LRMDA: variants seen among roughly 807,000 people sequenced by gnomAD.
LRMDA encodes leucine rich melanocyte differentiation associated.
A neutral mutation model predicts 29.8 loss-of-function variants in LRMDA; 18 were observed. That is an observed-to-expected ratio of 0.60 (90% CI 0.42 to 0.90). The LOEUF is 0.90. Ranked by LOEUF, LRMDA falls within the 40% of genes least tolerant of loss-of-function variation. The probability of loss-of-function intolerance (pLI) is 0.00; values close to 1 mark genes in which losing one functional copy is unlikely to be tolerated. For synonymous variants in LRMDA, 125 were observed against 109.4 expected (o/e 1.14, Z -0.89); for missense variants, 273 against 273.9 (o/e 1.00, Z 0.02).
chr10:75,924,697 A>C (rs1846088650), intron 2 of LRMDA, among the ~76,000 whole-genome samples: 1 of 152,112 alleles, frequency 6.6e-6, no homozygotes, highest in Admixed American at 6.5e-5. Flanking sequence ...AGCCGTGCTG[A>C]AAGAGGAAGA....
intron 2 of LRMDA, among the ~76,000 whole-genome samples, chr10:75,792,172 T>C (rs1346945656): frequency 1.3e-5 from 2 of 151,894 alleles, no homozygotes; most frequent in Non-Finnish European, 2.9e-5. Context: ...ACTTATTTTA[T>C]CTGAACTAAC....
Position 75,564,390 on chromosome 10 carries a change from C to T in LRMDA, c.131+125896C>T, listed in dbSNP as rs552165412. On this transcript the variant is annotated intron_variant, in intron 2 of 6. Transcript: ENST00000611255. ...CCGTTTTTTAAGCCCTTTGGAAAAG[C>T]GCAGTATTAGGGTGGGAGTGACCCA... 2.4e-4 allele frequency among the ~76,000 whole-genome samples: 36 copies of T among 152,296 alleles called. No individual in the cohort carries two copies. The South Asian group carries it at 3.1e-3, about 13-fold the overall frequency.
chr10:76,475,489 A>G (rs1842659181), intron 6 of LRMDA, among the ~76,000 whole-genome samples: 2 of 152,078 alleles, frequency 1.3e-5, no homozygotes, highest in East Asian at 1.9e-4. Context: ...GGACAGATCA[A>G]TGAGACAGAA....
chr10:76,363,161 G>GAAAA (rs1554815849), intron 6 of LRMDA, among the ~76,000 whole-genome samples: 3 of 39,460 alleles, frequency 7.6e-5, no homozygotes, highest in African/African-American at 3.3e-4. Flanking sequence ...AAGAAAGAAA[G>GAAAA]AAAGAAAGAA....
At chr10:75,482,038 T>A (rs76521792) in intron 2 of LRMDA, among the ~76,000 whole-genome samples, 1 of 152,328 alleles carries the variant, frequency 6.6e-6, no homozygotes, top group Non-Finnish European at 1.5e-5. Flanking sequence ...TTTATGGCTG[T>A]GGCAGATTCT....
At chr10:75,800,040 G>T (rs921245731) in intron 2 of LRMDA, among the ~76,000 whole-genome samples, 1 of 151,780 alleles carries the variant, frequency 6.6e-6, no homozygotes, top group Non-Finnish European at 1.5e-5. Context: ...AAGTATTATT[G>T]ATCTTTCTTC....
At chr10:76,078,920 ACCCATTAAC>A (rs1402926143) in intron 5 of LRMDA, among the ~76,000 whole-genome samples, 1 of 152,160 alleles carries the variant, frequency 6.6e-6, no homozygotes, top group Non-Finnish European at 1.5e-5. Flanking sequence ...GCTAGTTTCT[ACCCATTAAC>A]ACCAAGCCTC....
At chr10:76,023,377 C>T (rs941207323) in intron 2 of LRMDA, among the ~76,000 whole-genome samples, 13 of 152,164 alleles carry the variant, frequency 8.5e-5, no homozygotes, top group African/African-American at 3.1e-4. Flanking sequence ...CCCCTTCCCC[C>T]AGATCGTTTT....
chr10:75,721,651 C>T (rs1387042367), intron 2 of LRMDA, among the ~76,000 whole-genome samples: 1 of 152,134 alleles, frequency 6.6e-6, no homozygotes, highest in African/African-American at 2.4e-5. Context: ...TTCCCCAGCT[C>T]CATTCCATTA....
intron 5 of LRMDA, among the ~76,000 whole-genome samples, chr10:76,238,853 G>A (rs1852214376): frequency 6.6e-6 from 1 of 151,720 alleles, no homozygotes; most frequent in South Asian, 2.1e-4. Flanking sequence ...GATGGCGACG[G>A]CACCCTTACA....
chr10:75,899,722 G>A (rs1845639670), intron 2 of LRMDA, among the ~76,000 whole-genome samples: 1 of 152,168 alleles, frequency 6.6e-6, no homozygotes, highest in Non-Finnish European at 1.5e-5. Context: ...CATGGCTTTG[G>A]TACAGGATTC....
chr10:76,444,438 C>A (rs554867625), intron 6 of LRMDA, among the ~76,000 whole-genome samples: 1 of 152,110 alleles, frequency 6.6e-6, no homozygotes, highest in Non-Finnish European at 1.5e-5. Flanking sequence ...TGTTTAAAGG[C>A]GACCATTCTT....
intron 2 of LRMDA, among the ~76,000 whole-genome samples, chr10:75,543,891 T>A (rs1840047915): frequency 6.6e-6 from 1 of 152,150 alleles, no homozygotes. Context: ...GGATTTTCAC[T>A]CCTTTCAGTG....
At position 76,436,574 on chromosome 10, in the gene LRMDA, A is replaced by G. The variant is rs147740016; in HGVS notation, c.601+112089A>G. Among the ~76,000 whole-genome samples the G allele has an allele frequency of 2.7e-3, 407 of 152,284 alleles. 1 individual carries two copies. Among genetic ancestry groups the G allele is most frequent in the Non-Finnish European group, 4.8e-3 (329 of 68,016 alleles). ...TCTCAAGCTGCTGAGTGACAGTGAC[A>G]AGATGCTGGCTTTGGAGCAGGCACT... On this transcript the variant is annotated intron_variant, in intron 6 of 6. Coordinates refer to ENST00000611255, the MANE Select transcript of LRMDA (RefSeq NM_001305581.2).
At chr10:76,120,177 A>T (rs1027515820) in intron 5 of LRMDA, among the ~76,000 whole-genome samples, 2 of 147,418 alleles carry the variant, frequency 1.4e-5, no homozygotes, top group Non-Finnish European at 3.0e-5. Context: ...ACATGTCTAC[A>T]GGTATGTGTT....
intron 2 of LRMDA, among the ~76,000 whole-genome samples, chr10:75,960,519 T>C (rs1846745620): frequency 6.6e-6 from 1 of 152,242 alleles, no homozygotes; most frequent in South Asian, 2.1e-4. Context: ...GAAAACTTTA[T>C]ATGCAGAATT....
intron 2 of LRMDA, among the ~76,000 whole-genome samples, chr10:75,474,878 C>T (rs956054518): frequency 1.3e-5 from 2 of 152,124 alleles, no homozygotes; most frequent in African/African-American, 4.8e-5. Flanking sequence ...TCATTTCCTA[C>T]GGGAAATTGT....
intron 2 of LRMDA, among the ~76,000 whole-genome samples, chr10:75,870,424 C>T (rs981531207): frequency 4.6e-5 from 7 of 152,214 alleles, no homozygotes; most frequent in Admixed American, 4.6e-4. Context: ...AAGTGAGTCA[C>T]AGGAATCACA....
intron 2 of LRMDA, among the ~76,000 whole-genome samples, chr10:75,764,212 T>C (rs1161732120): frequency 1.3e-5 from 2 of 152,148 alleles, no homozygotes; most frequent in Admixed American, 6.5e-5. Context: ...AGATTATTGA[T>C]TGGAAGTCAC....
Sources: allele counts gnomAD v4.1 joint callset (sites outside exome capture counted in the v4.1 genomes callset), GRCh38; gene constraint gnomAD v4.1.1; transcripts MANE v1.5; gene names NCBI Gene and HGNC (gene_info 2026-07-23, HGNC 2026-07-21).